MACROD2: variants seen among roughly 807,000 people sequenced by gnomAD.
MACROD2 encodes mono-ADP ribosylhydrolase 2, also known as ADP-ribose glycohydrolase MACROD2.
Under a neutral mutation model 70.4 loss-of-function variants are expected in MACROD2, and 36 were observed. The observed-to-expected ratio is 0.51, with a 90% CI of 0.39 to 0.68. The LOEUF is 0.68. MACROD2 is among the 30% of genes least tolerant of loss of function. The pLI is 0.00. For missense variants in MACROD2, 496 were observed against 538.4 expected, an observed-to-expected ratio of 0.92 and a Z score of 0.78; for synonymous variants, 172 against 178.8, an observed-to-expected ratio of 0.96 and a Z score of 0.30.
chr20:14,969,168 T>C (rs1385538601), intron 5 of MACROD2, among the ~76,000 whole-genome samples: 1 of 151,434 alleles, frequency 6.6e-6, no homozygotes, highest in Non-Finnish European at 1.5e-5. Flanking sequence ...AGTTTATATA[T>C]ATATATATAT....
chr20:14,054,561 A>G (rs2053611570), intron 2 of MACROD2, among the ~76,000 whole-genome samples: 2 of 152,138 alleles, frequency 1.3e-5, no homozygotes. Context: ...CCCCAAGTTT[A>G]AGAAGGTTTG....
intron 8 of MACROD2, among the ~76,000 whole-genome samples, chr20:15,590,048 T>C (rs2048656565): frequency 6.6e-6 from 1 of 152,148 alleles, no homozygotes; most frequent in Non-Finnish European, 1.5e-5. Flanking sequence ...GAATAGAGAA[T>C]AGAAAACCCA....
chr20:15,886,168 G>C (rs888736854), intron 10 of MACROD2, among the ~76,000 whole-genome samples: 2 of 152,164 alleles, frequency 1.3e-5, no homozygotes, highest in Non-Finnish European at 1.5e-5. Flanking sequence ...CACAAGGTTT[G>C]GAGCTCAGCA....
chr20:15,405,042 T>C (rs923426634), intron 6 of MACROD2, among the ~76,000 whole-genome samples: 4 of 152,160 alleles, frequency 2.6e-5, no homozygotes, highest in African/African-American at 9.7e-5. Context: ...AAATACCACA[T>C]AGTGTATGAT....
chr20:14,461,272 G>A (rs566590950), intron 3 of MACROD2, among the ~76,000 whole-genome samples: 1 of 151,704 alleles, frequency 6.6e-6, no homozygotes, highest in Non-Finnish European at 1.5e-5. Flanking sequence ...AGTGGTGATC[G>A]CCCCTTTATC....
chr20:14,073,955 G>A (rs1012982203), intron 2 of MACROD2, among the ~76,000 whole-genome samples: 4 of 152,008 alleles, frequency 2.6e-5, no homozygotes, highest in East Asian at 1.9e-4. Context: ...TCAGACCTTC[G>A]TTGTCCAGTT....
chr20:14,166,760 C>T (rs1293024771), intron 3 of MACROD2, among the ~76,000 whole-genome samples: 1 of 151,968 alleles, frequency 6.6e-6, no homozygotes, highest in East Asian at 1.9e-4. Context: ...GTATCATTTC[C>T]CTTCTCATTG....
chr20:15,303,145 T>A (rs568468181), intron 6 of MACROD2, among the ~76,000 whole-genome samples: 3 of 152,354 alleles, frequency 2.0e-5, no homozygotes, highest in Non-Finnish European at 2.9e-5. Context: ...TCCAAAATTC[T>A]GCAAACTAAT....
chr20:14,223,936 G>C (rs972765956), intron 3 of MACROD2, among the ~76,000 whole-genome samples: 1 of 152,128 alleles, frequency 6.6e-6, no homozygotes, highest in Non-Finnish European at 1.5e-5. Context: ...TTCAGGGTGG[G>C]CCAGCAGGCT....
At chr20:15,926,462 G>A (rs1027674633) in intron 10 of MACROD2, among the ~76,000 whole-genome samples, 6 of 152,136 alleles carry the variant, frequency 3.9e-5, no homozygotes, top group Non-Finnish European at 8.8e-5. Context: ...GGAGGGGCAG[G>A]AACACATAAA....
intron 5 of MACROD2, among the ~76,000 whole-genome samples, chr20:15,091,353 C>CAA (rs201968187): frequency 1.4e-5 from 2 of 141,160 alleles, no homozygotes; most frequent in Admixed American, 7.0e-5. Flanking sequence ...TAAAACCAAA[C>CAA]AAAAAAAAAA....
chr20:14,059,004 ATT>A (rs1434463401), intron 2 of MACROD2, among the ~76,000 whole-genome samples: 1 of 152,082 alleles, frequency 6.6e-6, no homozygotes, highest in East Asian at 1.9e-4. Flanking sequence ...CTCATGCTTC[ATT>A]GCTGTTATGC....
chr20:14,219,774 A>C (rs1352881832), intron 3 of MACROD2, among the ~76,000 whole-genome samples: 1 of 152,152 alleles, frequency 6.6e-6, no homozygotes, highest in Non-Finnish European at 1.5e-5. Flanking sequence ...CATGTGAGCC[A>C]AACTGCAGTG....
At position 15,053,345 on chromosome 20, in the gene MACROD2, A is replaced by G. The variant is rs1373866338; in HGVS notation, c.419-176595A>G. Among the ~76,000 whole-genome samples the G allele has an allele frequency of 2.6e-5, 4 of 152,324 alleles. No individual in the cohort carries two copies. The East Asian group carries it at 5.8e-4, about 22-fold the overall frequency. ...TCATAGGTTGGCCTCAAAGCTTCAAAGGGCAGGCTGAGTCTATTGTTAGGA... is the reference window on the plus strand; with the variant it reads ...TCATAGGTTGGCCTCAAAGCTTCAAGGGGCAGGCTGAGTCTATTGTTAGGA... On this transcript the variant is annotated intron_variant, in intron 5 of 17. Coordinates refer to ENST00000684519, the MANE Select transcript of MACROD2 (RefSeq NM_001351661.2).
In MACROD2 at chr20:13,997,941, C is replaced by T. The variant is rs544522898; in HGVS notation, c.46+2132C>T. Among the ~76,000 whole-genome samples, 11 of 152,160 alleles carry T rather than the reference C, an allele frequency of 7.2e-5. 1 individual carries two copies. The highest frequency in any genetic ancestry group is 6.8e-3 in the Middle Eastern group (2 of 294). The stretch of plus-strand genomic sequence containing the variant: ...GCTGATGGGATGCATGACCTTTTTC[C>T]TTTCAGCCCACTGGGAAGCTGATGG... On this transcript the variant is annotated intron_variant, in intron 1 of 17. Coordinates refer to ENST00000684519, the MANE Select transcript of MACROD2 (RefSeq NM_001351661.2).
intron 13 of MACROD2, among the ~76,000 whole-genome samples, chr20:15,975,219 T>G (rs1276099551): frequency 6.6e-6 from 1 of 152,088 alleles, no homozygotes; most frequent in East Asian, 1.9e-4. Context: ...CTAGATAAGA[T>G]TAAGTGGAGT....
At position 15,859,536 on chromosome 20, in the gene MACROD2, T is replaced by C. The variant is rs541648730; in HGVS notation, c.646-3209T>C. Among the ~76,000 whole-genome samples the C allele has an allele frequency of 5.1e-4, 78 of 152,290 alleles. 1 individual carries two copies. The highest frequency in any genetic ancestry group is 1.8e-3 in the African/African-American group (76 of 41,562). On this transcript the variant is annotated intron_variant, in intron 8 of 17. Transcript: ENST00000684519. ...TCATAAACACGGAGCTTGTCAACTA[T>C]ATGAGCTCTTGTTCAACAATAACCC...
intron 5 of MACROD2, among the ~76,000 whole-genome samples, chr20:14,843,263 C>T (rs917188191): frequency 3.3e-5 from 5 of 150,194 alleles, no homozygotes; most frequent in African/African-American, 1.2e-4. Flanking sequence ...ACTGAATGGC[C>T]TCTGAAGGAA....
At chr20:15,507,101 T>C (rs1405922624) in intron 8 of MACROD2, among the ~76,000 whole-genome samples, 1 of 152,204 alleles carries the variant, frequency 6.6e-6, no homozygotes, top group East Asian at 1.9e-4. Flanking sequence ...ATGACACTCA[T>C]AGGCTGTGAC....
Sources: allele counts gnomAD v4.1 joint callset (sites outside exome capture counted in the v4.1 genomes callset), GRCh38; gene constraint gnomAD v4.1.1; transcripts MANE v1.5; gene names NCBI Gene and HGNC (gene_info 2026-07-23, HGNC 2026-07-21).